Variants in TULP4 observed in about 807,000 individuals in gnomAD.
TULP4 encodes tubby-related protein 4.
Under a neutral mutation model 129.0 loss-of-function variants are expected in TULP4, and 16 were observed. That is an observed-to-expected ratio of 0.12 (90% CI 0.08 to 0.19). The LOEUF is 0.19. Among genes scored for constraint, TULP4 ranks in the 10% least tolerant of loss-of-function variants. The pLI, the probability that TULP4 is intolerant of heterozygous loss-of-function variation, is 1.00. For synonymous variants in TULP4, 998 were observed against 854.0 expected (o/e 1.17, Z -2.94); for missense variants, 1,842 against 2,059.1 (o/e 0.89, Z 2.04).
chr6:158,238,939 T>G (rs1184587727), intron 1 of TULP4, among the ~76,000 whole-genome samples: 10 of 136,230 alleles, frequency 7.3e-5, no homozygotes, highest in African/African-American at 1.0e-4. Context: ...AATGAGCTGT[T>G]GGGCACACCT....
At chr6:158,377,019 G>C (rs1328366862) in intron 1 of TULP4, among the ~76,000 whole-genome samples, 1 of 152,178 alleles carries the variant, frequency 6.6e-6, no homozygotes. Context: ...GCTTATACCT[G>C]GATGTCTTTC....
intron 1 of TULP4, among the ~76,000 whole-genome samples, chr6:158,402,770 G>A (rs543948218): frequency 6.6e-6 from 1 of 152,242 alleles, no homozygotes; most frequent in South Asian, 2.1e-4. Flanking sequence ...TTTTGAAATG[G>A]CAGTTGATTT....
chr6:158,314,498 C>T (rs1779441978), intron 1 of TULP4, among the ~76,000 whole-genome samples: 1 of 152,332 alleles, frequency 6.6e-6, no homozygotes, highest in Admixed American at 6.5e-5. Context: ...CCCCTGCTGT[C>T]CTCTCCCTGC....
intron 1 of TULP4, among the ~76,000 whole-genome samples, chr6:158,351,403 C>T (rs938749515): frequency 6.6e-6 from 1 of 152,124 alleles, no homozygotes; most frequent in Non-Finnish European, 1.5e-5. Context: ...GTGTTAGCTT[C>T]TGAATAGAGA....
intron 3 of TULP4, 26 bp downstream of exon 3, chr6:158,429,923 G>A (rs780858878): frequency 1.2e-6 from 2 of 1,608,106 alleles, no homozygotes; most frequent in African/African-American, 1.3e-5. Flanking sequence ...TGTGGTGGGT[G>A]TGTGACGTTA....
chr6:158,372,853 C>T (rs1777101688), intron 1 of TULP4, among the ~76,000 whole-genome samples: 2 of 152,172 alleles, frequency 1.3e-5, no homozygotes, highest in Non-Finnish European at 2.9e-5. Context: ...TGCTTCATTA[C>T]TTTCATATTC....
intron 1 of TULP4, among the ~76,000 whole-genome samples, chr6:158,302,470 A>C (rs1779148595): frequency 6.6e-6 from 1 of 152,086 alleles, no homozygotes; most frequent in Admixed American, 6.5e-5. Context: ...CACTTGCCTG[A>C]TTTCTTTTTT....
Position 158,372,128 on chromosome 6 carries a change from T to G in TULP4, c.253-40937T>G, listed in dbSNP as rs906670772. On this transcript the variant is annotated intron_variant, in intron 1 of 13. Coordinates refer to ENST00000367097, the MANE Select transcript of TULP4 (RefSeq NM_020245.5). Reference sequence around the variant, plus strand: ...CCATGCCAAGCCATTTTCTAGTTTTTTTTTTTTTTTTTTTAATACAATTCC... The same window carrying G: ...CCATGCCAAGCCATTTTCTAGTTTTGTTTTTTTTTTTTTTAATACAATTCC... Among the ~76,000 whole-genome samples, 638 of 74,994 alleles carry G rather than the reference T, an allele frequency of 8.5e-3. 2 individuals are homozygous for G. Among genetic ancestry groups the G allele is most frequent in the Non-Finnish European group, 0.013 (440 of 33,284 alleles). 49.2% of individuals were successfully genotyped at this position (74,994 alleles called of 152,430 possible).
chr6:158,454,019 C>CTA (rs770740499), intron 5 of TULP4, among the ~76,000 whole-genome samples: 3 of 66,116 alleles, frequency 4.5e-5, no homozygotes, highest in Non-Finnish European at 7.6e-5. Context: ...TGCCTCTGCA[C>CTA]CGCCCCCCCC....
intron 1 of TULP4, among the ~76,000 whole-genome samples, chr6:158,374,234 C>T (rs1026969491): frequency 3.3e-5 from 5 of 149,892 alleles, no homozygotes; most frequent in Non-Finnish European, 7.4e-5. Flanking sequence ...CTGCAGTGCA[C>T]TATGATTGCG....
intron 1 of TULP4, among the ~76,000 whole-genome samples, chr6:158,298,754 C>T (rs116937114): frequency 0.032 from 4,826 of 151,744 alleles, 99 homozygotes; most frequent in Non-Finnish European, 0.041. Flanking sequence ...GTCAGGTTGG[C>T]GGTAAACAAA....
rs111929134 is a variant in TULP4, at chr6:158,495,843, G to GA, written c.1870+1010dup. Among the ~76,000 whole-genome samples the GA allele has an allele frequency of 5.4e-3, 743 of 137,158 alleles. 4 individuals are homozygous for GA. Among genetic ancestry groups the GA allele is most frequent in the African/African-American group, 0.016 (592 of 37,100 alleles). The allele number at this position is 137,158 out of a possible 152,430, so 90.0% of individuals were successfully genotyped here. Reference sequence around the variant, plus strand: ...CAACACGAGCGAAACTACGTCTCAAGAAAAAAAAAAAAAGATTAGCTGACT... The same window carrying GA: ...CAACACGAGCGAAACTACGTCTCAAGAAAAAAAAAAAAAAGATTAGCTGACT... On this transcript the variant is annotated intron_variant, in intron 11 of 13. Coordinates refer to ENST00000367097, the MANE Select transcript of TULP4 (RefSeq NM_020245.5).
At chr6:158,465,914 C>T (rs1779546958) in intron 6 of TULP4, among the ~76,000 whole-genome samples, 1 of 152,154 alleles carries the variant, frequency 6.6e-6, no homozygotes, top group Non-Finnish European at 1.5e-5. Flanking sequence ...TGGTCTAGAA[C>T]TTGGGAGTCA....
At chr6:158,363,731 C>T (rs992498441) in intron 1 of TULP4, among the ~76,000 whole-genome samples, 1 of 151,982 alleles carries the variant, frequency 6.6e-6, no homozygotes, top group South Asian at 2.1e-4. Context: ...GGTGATCCAC[C>T]CCCCCGGCCT....
chr6:158,247,672 C>A (rs1778052722), intron 1 of TULP4, among the ~76,000 whole-genome samples: 1 of 152,222 alleles, frequency 6.6e-6, no homozygotes, highest in Non-Finnish European at 1.5e-5. Context: ...GAAGCTCTTA[C>A]AGGACCATGT....
chr6:158,327,011 G>C (rs1161164759), intron 1 of TULP4, among the ~76,000 whole-genome samples: 3 of 152,100 alleles, frequency 2.0e-5, no homozygotes, highest in Non-Finnish European at 4.4e-5. Context: ...TGAGAATTTG[G>C]GTATACGTGC....
chr6:158,236,592 C>G (rs978788418), intron 1 of TULP4, among the ~76,000 whole-genome samples: 2 of 143,412 alleles, frequency 1.4e-5, no homozygotes, highest in East Asian at 2.1e-4. Context: ...ATTCCACTTT[C>G]AGTCACCTAA....
At chr6:158,263,596 G>GA (rs1355769363) in intron 1 of TULP4, among the ~76,000 whole-genome samples, 1 of 152,088 alleles carries the variant, frequency 6.6e-6, no homozygotes, top group East Asian at 1.9e-4. Flanking sequence ...CTATCAAAAA[G>GA]AAAAAACTAA....
Position 158,240,724 on chromosome 6 carries a change from G to A in TULP4, n.68+8421G>A, listed in dbSNP as rs1281088054. Among the ~76,000 whole-genome samples the A allele has an allele frequency of 2.3e-4, 29 of 126,220 alleles. No individual in the cohort carries two copies. The East Asian group carries it at 3.3e-3, about 15-fold the overall frequency. 82.8% of individuals were successfully genotyped at this position (126,220 alleles called of 152,430 possible). On this transcript the variant is annotated intron_variant and non_coding_transcript_variant, in intron 1 of 1. Coordinates refer to the TULP4 transcript ENST00000620026. ...GACCCCCCCCACCTCCCTCCCGGAC[G>A]GGGCGGCTGGCCGGGCGGGGGGCTG...
Sources: gnomAD v4.1 joint callset for allele counts (sites outside exome capture counted in the v4.1 genomes callset) on GRCh38, gnomAD v4.1.1 for gene constraint, MANE v1.5 for transcripts, NCBI Gene and HGNC (gene_info 2026-07-23, HGNC 2026-07-21) for gene names.